GRIP1: variants seen among roughly 807,000 people sequenced by gnomAD.
The protein encoded by GRIP1 is glutamate receptor interacting protein 1, also known as glutamate receptor-interacting protein 1.
Under a neutral mutation model 129.9 loss-of-function variants are expected in GRIP1, and 45 were observed. That is an observed-to-expected ratio of 0.35 (90% CI 0.27 to 0.44). The LOEUF is 0.44. Among genes scored for constraint, GRIP1 ranks in the 20% least tolerant of loss-of-function variants. The pLI is 1.00. For missense variants in GRIP1, 1,196 were observed against 1,396.8 expected (o/e 0.86, Z 2.29); for synonymous variants, 530 against 520.8 (o/e 1.02, Z -0.24).
At chr12:66,679,084 CTG>C, upstream of GRIP1, 1 of 1,500,554 alleles carries the variant, frequency 6.7e-7, no homozygotes, top group Non-Finnish European at 8.9e-7. Context: ...TCTGGCAAAT[CTG>C]TGTCATTCAC....
chr12:66,756,628 G>A (rs1459332579), intron 1 of GRIP1, among the ~76,000 whole-genome samples: 3 of 152,220 alleles, frequency 2.0e-5, no homozygotes, highest in African/African-American at 7.2e-5. Context: ...GAAGGTGGTA[G>A]TGGCAGTGGG....
intron 1 of GRIP1, among the ~76,000 whole-genome samples, chr12:66,930,303 G>C (rs2041372312): frequency 7.9e-6 from 1 of 126,718 alleles, no homozygotes; most frequent in Non-Finnish European, 1.6e-5. Flanking sequence ...TCCCCTTCCT[G>C]TGTCCATGTG....
intron 1 of GRIP1, among the ~76,000 whole-genome samples, chr12:66,670,745 G>A (rs538107780): frequency 3.9e-5 from 6 of 152,290 alleles, no homozygotes; most frequent in African/African-American, 1.4e-4. Flanking sequence ...AGAGCTCAGA[G>A]CTCCCTTAAG....
chr12:66,669,437 A>G (rs2136228059), intron 1 of GRIP1, among the ~76,000 whole-genome samples: 1 of 152,276 alleles, frequency 6.6e-6, no homozygotes, highest in African/African-American at 2.4e-5. Flanking sequence ...CATTCGACAG[A>G]TACTTATTGG....
In GRIP1 at chr12:66,815,820, A is replaced by ATTTC. The variant is rs1002005391; in HGVS notation, c.59-218897_59-218894dup. On this transcript the variant is annotated intron_variant, in intron 1 of 1. Transcript: ENST00000643019. ...GGGAGTGGCTTAAACAAGATGAAAGATTTCTTTCTTTCTTTCTTTCTTTCT... is the reference window on the plus strand; with the variant it reads ...GGGAGTGGCTTAAACAAGATGAAAGATTTCTTTCTTTCTTTCTTTCTTTCTTTCT... Among the ~76,000 whole-genome samples, 120 of 118,612 alleles carry ATTTC rather than the reference A, an allele frequency of 1.0e-3. 1 individual carries two copies. The highest frequency in any genetic ancestry group is 4.6e-3 in the South Asian group (16 of 3,442). The allele number at this position is 118,612 out of a possible 152,430, so 77.8% of individuals were successfully genotyped here. A position where few individuals can be genotyped will look rare whatever the true frequency, so the allele number is the denominator to read the frequency against.
Position 66,455,542 on chromosome 12 carries a change from G to A in GRIP1, c.1221C>T (p.Phe407=), listed in dbSNP as rs746373166. The A allele has an allele frequency of 1.6e-5, 26 of 1,613,956 alleles. No homozygotes were observed. The highest frequency in any genetic ancestry group is 1.6e-4 in the African/African-American group (12 of 74,926). Residue 407 remains phenylalanine, a synonymous_variant, in exon 11 of 25, where the codon TTC becomes TTT. Coordinates refer to ENST00000359742, the MANE Select transcript of GRIP1 (RefSeq NM_001366722.1). Reference sequence around the variant, plus strand: ...TGTATGCACTCATGGAGGTAGGAGAGAAGGATGAAGACACCAAAGCTGCTG... The same window carrying A: ...TGTATGCACTCATGGAGGTAGGAGAAAAGGATGAAGACACCAAAGCTGCTG... The part of the protein sequence containing the change: ...NSPPALVSSS[F]SPTSMSAYSL...
chr12:66,774,087 A>T (rs1228668669), intron 1 of GRIP1, among the ~76,000 whole-genome samples: 1 of 152,192 alleles, frequency 6.6e-6, no homozygotes, highest in Non-Finnish European at 1.5e-5. Context: ...TTGACAATGA[A>T]TTCAATGAGA....
intron 7 of GRIP1, among the ~76,000 whole-genome samples, chr12:66,479,743 T>C (rs2059742407): frequency 6.6e-6 from 1 of 152,208 alleles, no homozygotes; most frequent in African/African-American, 2.4e-5. Flanking sequence ...GCTTCATCCC[T>C]GGAATGCAAG....
chr12:66,784,524 T>C (rs2038258149), intron 1 of GRIP1, among the ~76,000 whole-genome samples: 1 of 152,196 alleles, frequency 6.6e-6, no homozygotes, highest in Non-Finnish European at 1.5e-5. Flanking sequence ...CTCATTTTAA[T>C]CCAATGTCCA....
intron 1 of GRIP1, among the ~76,000 whole-genome samples, chr12:66,954,209 C>G (rs1055896094): frequency 2.0e-5 from 3 of 152,200 alleles, no homozygotes; most frequent in Non-Finnish European, 4.4e-5. Flanking sequence ...TTCTTTTCCT[C>G]ATGACATCGC....
At chr12:67,023,554 T>A (rs1318829747) in intron 1 of GRIP1, among the ~76,000 whole-genome samples, 1 of 152,202 alleles carries the variant, frequency 6.6e-6, no homozygotes, top group Non-Finnish European at 1.5e-5. Context: ...GCTAAATCAG[T>A]TACCTTTGTT....
At chr12:66,638,327 T>C (rs539229700) in intron 1 of GRIP1, among the ~76,000 whole-genome samples, 4 of 152,216 alleles carry the variant, frequency 2.6e-5, no homozygotes, top group Non-Finnish European at 4.4e-5. Flanking sequence ...ATCACTTTAT[T>C]TAATCTGCAA....
At chr12:66,435,587 T>C (rs2058280696) in intron 13 of GRIP1, among the ~76,000 whole-genome samples, 1 of 152,226 alleles carries the variant, frequency 6.6e-6, no homozygotes, top group Non-Finnish European at 1.5e-5. Flanking sequence ...TATGTATCTG[T>C]ATATCTGTAT....
intron 24 of GRIP1, among the ~76,000 whole-genome samples, chr12:66,352,872 G>A (rs2054302354): frequency 1.3e-5 from 2 of 152,212 alleles, no homozygotes; most frequent in South Asian, 2.1e-4. Context: ...GGCCGAGGCA[G>A]GAGAATCTCT....
At chr12:66,457,581 T>C (rs2059004802) in intron 9 of GRIP1, among the ~76,000 whole-genome samples, 1 of 152,208 alleles carries the variant, frequency 6.6e-6, no homozygotes, top group Admixed American at 6.5e-5. Flanking sequence ...TATATCTCCT[T>C]CTACTTTCAT....
intron 1 of GRIP1, among the ~76,000 whole-genome samples, chr12:66,636,723 G>C (rs1294762634): frequency 1.4e-4 from 13 of 95,486 alleles, no homozygotes; most frequent in African/African-American, 3.3e-4. Context: ...CTCTGTGTGT[G>C]TGTGTGTGTG....
intron 1 of GRIP1, among the ~76,000 whole-genome samples, chr12:66,755,691 C>G (rs1041801428): frequency 3.3e-5 from 5 of 152,212 alleles, no homozygotes; most frequent in African/African-American, 9.6e-5. Context: ...TCTGGATTCT[C>G]TGGCCACTCA....
At chr12:66,472,570 C>T (rs78626376) in intron 7 of GRIP1, among the ~76,000 whole-genome samples, 5,589 of 152,132 alleles carry the variant, frequency 0.037, 324 homozygotes, top group African/African-American at 0.12. Context: ...GTCTGCAGCT[C>T]GCAGCAAGAT....
At chr12:66,819,309 A>G (rs546559674) in intron 1 of GRIP1, among the ~76,000 whole-genome samples, 1 of 152,332 alleles carries the variant, frequency 6.6e-6, no homozygotes, top group East Asian at 1.9e-4. Flanking sequence ...GAGCAATATA[A>G]TCACATAAGA....
Sources: gnomAD v4.1 joint callset for allele counts (sites outside exome capture counted in the v4.1 genomes callset) on GRCh38, gnomAD v4.1.1 for gene constraint, MANE v1.5 for transcripts, NCBI Gene and HGNC (gene_info 2026-07-23, HGNC 2026-07-21) for gene names.